The following USP16 variants were observed in gnomAD, a reference collection of about 807,000 sequenced individuals.
USP16 encodes the protein ubiquitin carboxyl-terminal hydrolase 16.
Under a neutral mutation model 95.9 loss-of-function variants are expected in USP16, and 77 were observed. The observed-to-expected ratio is 0.80, with a 90% CI of 0.67 to 0.97. USP16 has a LOEUF of 0.97. Ranked by LOEUF, USP16 falls within the 50% of genes least tolerant of loss-of-function variation. USP16 has a pLI of 0.00. For synonymous variants in USP16, 303 were observed against 318.2 expected (o/e 0.95, Z 0.51); for missense variants, 943 against 959.9 (o/e 0.98, Z 0.23).
chr21:29,054,166 ATT>A lies in USP16; in HGVS notation c.2454_2455del (p.Phe818LeufsTer2). The A allele has an allele frequency of 6.2e-7, 1 of 1,614,066 alleles. No individual in the cohort carries two copies. Among genetic ancestry groups the A allele is most frequent in the African/African-American group, 1.3e-5 (1 of 75,060 alleles). On this transcript the variant is annotated frameshift_variant, in exon 18 of 18. Coordinates refer to ENST00000399976, the MANE Select transcript of USP16 (RefSeq NM_006447.3). LOFTEE classifies it high-confidence loss of function. ...KVLNSQAYLL[F>X]YERIL ...TACTAAACTCACAAGCGTACCTCCT[ATT>A]TTATGAGAGAATACTGTAATAATAT...
chr21:29,041,869 T>A, intron 10 of USP16, 144 bp from the exon 11 acceptor site: 1 of 642,434 alleles, frequency 1.6e-6, no homozygotes, highest in Non-Finnish European at 2.7e-6. Flanking sequence ...TTAAAAAAGG[T>A]GATTATGAAT....
Position 29,037,229 on chromosome 21 carries a change from G to A in USP16, c.449-47G>A, listed in dbSNP as rs758699448. 9 of 1,227,396 alleles carry A rather than the reference G, an allele frequency of 7.3e-6. No individual in the cohort carries two copies. In the African/African-American group the frequency reaches 1.1e-4, roughly 15 times the overall value. 76.0% of individuals were successfully genotyped at this position (1,227,396 alleles called of 1,614,324 possible). ...GTTTCCCAAGTATACTTCTGCATTC[G>A]ATATGACTGTATTACACATTTTGCT... On this transcript the variant is annotated intron_variant, in intron 5 of 17. Coordinates refer to ENST00000399976, the MANE Select transcript of USP16 (RefSeq NM_006447.3).
chr21:29,031,473 C>G (rs1429206668), intron 3 of USP16, among the ~76,000 whole-genome samples: 1 of 152,194 alleles, frequency 6.6e-6, no homozygotes, highest in African/African-American at 2.4e-5. Flanking sequence ...GGGTCTCACT[C>G]TGTCACCCAG....
At position 29,038,374 on chromosome 21, in the gene USP16, G is replaced by GA; in HGVS notation, c.678dup (p.Val227SerfsTer11). 2.5e-6 allele frequency: 4 copies of GA among 1,612,802 alleles called. No homozygotes were observed. Among genetic ancestry groups the GA allele is most frequent in the Non-Finnish European group, 3.4e-6 (4 of 1,179,252 alleles). On this transcript the variant is annotated frameshift_variant, in exon 7 of 18. Transcript: ENST00000399976. LOFTEE classifies it high-confidence loss of function. Reference sequence around the variant, plus strand: ...ACCAGTGCTTAGAGAACTACTAAAAGAAGTGAAAATGTCTGGAACAATTGT... The same window carrying GA: ...ACCAGTGCTTAGAGAACTACTAAAAGAAAGTGAAAATGTCTGGAACAATTGT...
intron 16 of USP16, among the ~76,000 whole-genome samples, chr21:29,050,413 G>A (rs868699541): frequency 2.0e-4 from 31 of 152,238 alleles, no homozygotes; most frequent in Middle Eastern, 3.4e-3. Context: ...TCTTGTGAGC[G>A]GAGGGCATAA....
Position 29,048,799 on chromosome 21 carries a change from A to G in USP16, c.2050A>G (p.Met684Val). 6.2e-7 allele frequency: 1 copy of G among 1,613,934 alleles called. No individual in the cohort carries two copies. Among genetic ancestry groups the G allele is most frequent in the Non-Finnish European group, 8.5e-7 (1 of 1,179,936 alleles). ...KHVYTNAKKQ[M>V]LISLAPPVLT... ...TGTTTACACCAATGCCAAAAAGCAG[A>G]TGCTAATTTCTCTTGCTCCTCCTGT... The change falls in exon 15 of 18, where the codon ATG becomes GTG. Residue 684 changes from methionine to valine, a missense_variant. Transcript: ENST00000399976.
At position 29,048,759 on chromosome 21, in the gene USP16, AGGT is replaced by A. The variant is rs1601073014; in HGVS notation, c.2012_2014del (p.Gly671del). The A allele has an allele frequency of 1.2e-6, 2 of 1,611,330 alleles. No homozygotes were observed. The highest frequency in any genetic ancestry group is 4.5e-5 in the East Asian group (2 of 44,798). ...CTGTTAAAAATTTCTTCTTTTCTTT[AGGT>A]GAAAGGAAGCATGTTTACACCAATG... On this transcript the variant is annotated splice_acceptor_variant and coding_sequence_variant, in exon 15 of 18. Transcript: ENST00000399976. LOFTEE classifies it high-confidence loss of function.
In USP16 at chr21:29,029,274, G is replaced by T. The variant is rs1052067420; in HGVS notation, c.61+1300G>T. Reference sequence around the variant, plus strand: ...TAAACATACAAAAAATTAGCTGGGCGTGGTGGCGGGCGCCTGTAGTCCCAG... The same window carrying T: ...TAAACATACAAAAAATTAGCTGGGCTTGGTGGCGGGCGCCTGTAGTCCCAG... On this transcript the variant is annotated intron_variant, in intron 2 of 17. Coordinates refer to ENST00000399976, the MANE Select transcript of USP16 (RefSeq NM_006447.3). 5.3e-5 allele frequency among the ~76,000 whole-genome samples: 8 copies of T among 152,270 alleles called. No individual in the cohort carries two copies. In the South Asian group the frequency reaches 1.7e-3, roughly 32 times the overall value.
chr21:29,048,720 A>C (rs766853755), intron 14 of USP16, 41 bp from the exon 15 acceptor site: 23 of 1,526,834 alleles, frequency 1.5e-5, no homozygotes, highest in Non-Finnish European at 1.9e-5. Flanking sequence ...TAGGGGTCTA[A>C]AATGATTTTC....
chr21:29,039,620 T>C (rs2146378927), intron 9 of USP16, 52 bp downstream of exon 9: 1 of 1,543,248 alleles, frequency 6.5e-7, no homozygotes, highest in Middle Eastern at 1.7e-4. Flanking sequence ...ATAAGCTTTC[T>C]GTCTCATTTG....
rs2085274296 is a variant in USP16 at position 29,043,446 on chromosome 21, T to C, written c.1203T>C (p.Asp401=). The part of the protein sequence containing the change: ...DDQSGKKSVN[D]KNLKKTVEDE... ...AGAGTGGTAAGAAAAGTGTAAATGA[T>C]AAAAATCTGAAAAAGACAGTGGAGG... Residue 401 remains aspartate (D), a synonymous_variant, in exon 13 of 18, where the codon GAT becomes GAC. Coordinates refer to ENST00000399976, the MANE Select transcript of USP16 (RefSeq NM_006447.3). 1 of 1,544,900 alleles carries C rather than the reference T, an allele frequency of 6.5e-7. No homozygotes were observed. Among genetic ancestry groups the C allele is most frequent in the East Asian group, 2.4e-5 (1 of 42,348 alleles).
chr21:29,040,830 A>G (rs2085233118), intron 10 of USP16, 143 bp downstream of exon 10: 1 of 404,736 alleles, frequency 2.5e-6, no homozygotes, highest in South Asian at 5.4e-5. Context: ...AAAATTATTC[A>G]GTGCTCCAGA....
chr21:29,046,379 C>G (rs531012858), intron 13 of USP16, among the ~76,000 whole-genome samples: 2 of 152,132 alleles, frequency 1.3e-5, no homozygotes, highest in East Asian at 3.9e-4. Context: ...TCAAGTGATC[C>G]TCTTGTGATC....
At chr21:29,049,288 T>A (rs749707178) in intron 15 of USP16, among the ~76,000 whole-genome samples, 4 of 152,214 alleles carry the variant, frequency 2.6e-5, no homozygotes, top group Non-Finnish European at 4.4e-5. Context: ...AAACTTTTGC[T>A]ATAGCTGTAT....
At chr21:29,047,681 C>T (rs959826467) in intron 14 of USP16, among the ~76,000 whole-genome samples, 2 of 152,116 alleles carry the variant, frequency 1.3e-5, no homozygotes, top group African/African-American at 4.8e-5. Flanking sequence ...ATATGACATG[C>T]CCAGTGCAAA....
rs1238990693 is a variant in USP16, at chr21:29,024,776, G to A, written c.-43G>A. The A allele has an allele frequency of 3.1e-6, 4 of 1,286,938 alleles. No homozygotes were observed. The highest frequency in any genetic ancestry group is 4.0e-6 in the Non-Finnish European group (4 of 987,796). 79.7% of individuals were successfully genotyped at this position (1,286,938 alleles called of 1,614,324 possible). ...ATGCAGTTATGGGCTCTGTCGCCGT[G>A]GGTGAGTTCTGGTCCCACTGCCTGG... is the stretch of plus-strand genomic sequence containing the variant. On this transcript the variant is annotated splice_region_variant and 5_prime_UTR_variant, in exon 1 of 18. An upstream open reading frame in the 5' UTR gains an earlier in-frame stop. Coordinates refer to ENST00000399976, the MANE Select transcript of USP16 (RefSeq NM_006447.3).
At chr21:29,039,713 T>C in intron 9 of USP16, 145 bp downstream of exon 9, 1 of 629,428 alleles carries the variant, frequency 1.6e-6, no homozygotes, top group South Asian at 2.1e-5. Flanking sequence ...CTTTTTCAAC[T>C]AGTATGTTTT....
chr21:29,042,413 C>T, intron 11 of USP16, 59 bp from the exon 12 acceptor site: 1 of 1,526,336 alleles, frequency 6.6e-7, no homozygotes. Flanking sequence ...CAGGGAGGAT[C>T]TTACTATGTA....
intron 15 of USP16, 24 bp downstream of exon 15, chr21:29,048,879 GTT>G: frequency 6.4e-7 from 1 of 1,574,428 alleles, no homozygotes; most frequent in Non-Finnish European, 8.7e-7. Context: ...CCCAAAATTT[GTT>G]TTAAATATGT....
Sources: gnomAD v4.1 joint callset for allele counts (sites outside exome capture counted in the v4.1 genomes callset) on GRCh38, gnomAD v4.1.1 for gene constraint, MANE v1.5 for transcripts, NCBI Gene and HGNC (gene_info 2026-07-23, HGNC 2026-07-21) for gene names.